CACNA1C: variants seen among roughly 807,000 people sequenced by gnomAD.
The protein encoded by CACNA1C is voltage-dependent L-type calcium channel subunit alpha-1C.
Under a neutral mutation model 229.0 loss-of-function variants are expected in CACNA1C, and 30 were observed. The ratio of observed to expected loss-of-function variants is 0.13; its 90% CI spans 0.10 to 0.18. The LOEUF is 0.18. CACNA1C is among the 10% of genes least tolerant of loss of function. The pLI, the probability that CACNA1C is intolerant of heterozygous loss-of-function variation, is 1.00. For synonymous variants in CACNA1C, 1,114 were observed against 1,132.5 expected, an observed-to-expected ratio of 0.98 and a Z score of 0.33; for missense variants, 1,658 against 2,845.0, an observed-to-expected ratio of 0.58 and a Z score of 9.49.
At chr12:2,416,943 C>T (rs2098915822) in intron 3 of CACNA1C, among the ~76,000 whole-genome samples, 1 of 152,212 alleles carries the variant, frequency 6.6e-6, no homozygotes, top group Admixed American at 6.5e-5. Flanking sequence ...TCACATTCCT[C>T]ATGCTACTTG....
chr12:2,194,677 A>G (rs371238954), intron 3 of CACNA1C, among the ~76,000 whole-genome samples: 55 of 151,992 alleles, frequency 3.6e-4, no homozygotes, highest in African/African-American at 1.3e-3. Context: ...TTTGGGCCTT[A>G]TCTGAGCTGC....
intron 3 of CACNA1C, among the ~76,000 whole-genome samples, chr12:2,211,315 C>T (rs1273090862): frequency 6.6e-6 from 1 of 152,238 alleles, no homozygotes; most frequent in Non-Finnish European, 1.5e-5. Flanking sequence ...TTGGATTGGT[C>T]CAGGCTGTGC....
chr12:2,268,585 G>A (rs2083385808), intron 3 of CACNA1C, among the ~76,000 whole-genome samples: 1 of 152,158 alleles, frequency 6.6e-6, no homozygotes, highest in South Asian at 2.1e-4. Flanking sequence ...CTCCCAGCGA[G>A]GGAACAGTTG....
At chr12:2,538,711 A>G (rs1184393544) in intron 9 of CACNA1C, among the ~76,000 whole-genome samples, 2 of 152,226 alleles carry the variant, frequency 1.3e-5, no homozygotes, top group Non-Finnish European at 2.9e-5. Flanking sequence ...GGGCAAACAC[A>G]TATGAAGAGT....
At chr12:2,208,725 G>A (rs534119111) in intron 3 of CACNA1C, among the ~76,000 whole-genome samples, 13 of 152,268 alleles carry the variant, frequency 8.5e-5, no homozygotes, top group Middle Eastern at 3.4e-3. Flanking sequence ...GGACCCCAGG[G>A]GTAGGTAAGC....
chr12:2,007,267 A>C (rs552906068), intron 1 of CACNA1C, among the ~76,000 whole-genome samples: 60 of 152,316 alleles, frequency 3.9e-4, no homozygotes, highest in African/African-American at 1.2e-3. Flanking sequence ...TACACAGATC[A>C]TTGTCCTCAT....
At chr12:2,079,797 C>T (rs927438123) in intron 1 of CACNA1C, among the ~76,000 whole-genome samples, 1 of 152,192 alleles carries the variant, frequency 6.6e-6, no homozygotes, top group African/African-American at 2.4e-5. Context: ...TCTTCCACAG[C>T]TCAGGACCCT....
At chr12:2,288,452 C>T (rs999638971) in intron 3 of CACNA1C, among the ~76,000 whole-genome samples, 2 of 152,150 alleles carry the variant, frequency 1.3e-5, no homozygotes, top group African/African-American at 2.4e-5. Flanking sequence ...AGTGCTTTTC[C>T]GCCTCTCCCC....
At chr12:1,983,686 C>T (rs542873149) in intron 1 of CACNA1C, among the ~76,000 whole-genome samples, 6 of 151,980 alleles carry the variant, frequency 3.9e-5, no homozygotes, top group East Asian at 1.9e-4. Flanking sequence ...TTGAGAAGAA[C>T]GTCCATTCTG....
At chr12:2,298,308 T>A (rs2094248447) in intron 3 of CACNA1C, among the ~76,000 whole-genome samples, 1 of 152,070 alleles carries the variant, frequency 6.6e-6, no homozygotes, top group Non-Finnish European at 1.5e-5. Context: ...GGTGACAGGG[T>A]CTTTTTTTTT....
chr12:2,443,876 T>G (rs949665949), intron 3 of CACNA1C, among the ~76,000 whole-genome samples: 3 of 151,656 alleles, frequency 2.0e-5, no homozygotes, highest in Admixed American at 6.6e-5. Flanking sequence ...TTTTTTGTTG[T>G]TTTTTTTAAA....
At chr12:1,988,752 A>G (rs372055139) in intron 1 of CACNA1C, among the ~76,000 whole-genome samples, 4 of 152,216 alleles carry the variant, frequency 2.6e-5, no homozygotes, top group African/African-American at 9.6e-5. Context: ...AAGATGGCCT[A>G]TTTAGAAGAT....
chr12:2,688,657 A>AC lies in CACNA1C; in HGVS notation c.6000dup (p.Gly2001ArgfsTer125), dbSNP rs2097650537. 6.2e-7 allele frequency: 1 copy of AC among 1,613,298 alleles called. No individual in the cohort carries two copies. Among genetic ancestry groups the AC allele is most frequent in the African/African-American group, 1.3e-5 (1 of 74,834 alleles). On this transcript the variant is annotated frameshift_variant, in exon 46 of 47. Coordinates refer to ENST00000399655, the MANE Select transcript of CACNA1C (RefSeq NM_000719.7). LOFTEE classifies it high-confidence loss of function. ...CCACTGCGGCTCCTGGGCTGAGACCACCCCCGGTGGCGGGGGCAGCAGCGC... is the reference window on the plus strand; with the variant it reads ...CCACTGCGGCTCCTGGGCTGAGACCACCCCCCGGTGGCGGGGGCAGCAGCGC...
chr12:2,519,144 A>G (rs1179716288), intron 9 of CACNA1C, among the ~76,000 whole-genome samples: 1 of 152,076 alleles, frequency 6.6e-6, no homozygotes, highest in Non-Finnish European at 1.5e-5. Flanking sequence ...ATCCCCATTT[A>G]TCTTGTGGAA....
At chr12:2,176,659 G>A (rs1029437707) in intron 3 of CACNA1C, among the ~76,000 whole-genome samples, 1 of 152,030 alleles carries the variant, frequency 6.6e-6, no homozygotes, top group African/African-American at 2.4e-5. Flanking sequence ...ACTCAATCCC[G>A]TCCTTTAAAA....
In CACNA1C at chr12:2,536,322, C is replaced by T. The variant is rs555987425; in HGVS notation, c.1391-13621C>T. 3.3e-5 allele frequency among the ~76,000 whole-genome samples: 5 copies of T among 152,296 alleles called. No homozygotes were observed. The South Asian group carries it at 6.2e-4, about 19-fold the overall frequency. On this transcript the variant is annotated intron_variant, in intron 9 of 46. Coordinates refer to ENST00000399655, the MANE Select transcript of CACNA1C (RefSeq NM_000719.7). ...TCATCCATAGTAAAACTCTGACTTC[C>T]GTACAGGAGAGGGAGCCTGGGGCCT...
chr12:2,330,235 T>C (rs1344356088), intron 3 of CACNA1C, among the ~76,000 whole-genome samples: 1 of 152,228 alleles, frequency 6.6e-6, no homozygotes, highest in Non-Finnish European at 1.5e-5. Flanking sequence ...GGGCTTGACC[T>C]GAGCATGAGA....
At chr12:2,178,449 A>G (rs1161771292) in intron 3 of CACNA1C, among the ~76,000 whole-genome samples, 2 of 152,236 alleles carry the variant, frequency 1.3e-5, no homozygotes, top group African/African-American at 4.8e-5. Context: ...CCGACAATCC[A>G]GGGATCTGCA....
intron 3 of CACNA1C, among the ~76,000 whole-genome samples, chr12:2,443,880 T>G: frequency 6.6e-6 from 1 of 152,358 alleles, no homozygotes. Context: ...TTGTTGTTTT[T>G]TTTAAAGTAA....
Sources: gnomAD v4.1 joint callset for allele counts (sites outside exome capture counted in the v4.1 genomes callset) on GRCh38, gnomAD v4.1.1 for gene constraint, MANE v1.5 for transcripts, NCBI Gene and HGNC (gene_info 2026-07-23, HGNC 2026-07-21) for gene names.